The following RYK variants were observed in gnomAD, a reference collection of about 807,000 sequenced individuals.
RYK encodes receptor like tyrosine kinase.
In RYK, 21 loss-of-function variants were observed where a neutral mutation model predicts 70.2. The ratio of observed to expected loss-of-function variants is 0.30; its 90% confidence interval spans 0.21 to 0.43. The LOEUF is 0.43. RYK is among the 20% of genes least tolerant of loss of function. The pLI is 1.00. For synonymous variants in RYK, 267 were observed against 278.0 expected, an observed-to-expected ratio of 0.96 and a Z score of 0.39; for missense variants, 604 against 753.3, an observed-to-expected ratio of 0.80 and a Z score of 2.32.
rs563630958 is a variant in RYK, at chr3:134,240,895, GACAAT to G, written c.232+9523_232+9527del. On this transcript the variant is annotated intron_variant, in intron 1 of 14. Transcript: ENST00000623711. ...ACCTTGCTATTGCTCTTAATCTAAT[GACAAT>G]ATCTCATTCATTTTATGATTTCCCT... Among the ~76,000 whole-genome samples the G allele has an allele frequency of 1.4e-4, 21 of 152,288 alleles. No homozygotes were observed. In the South Asian group the frequency reaches 4.3e-3, roughly 32 times the overall value.
chr3:134,241,855 T>C (rs1286531034), intron 1 of RYK, among the ~76,000 whole-genome samples: 2 of 152,110 alleles, frequency 1.3e-5, no homozygotes, highest in Non-Finnish European at 2.9e-5. Context: ...CAAAAAACAG[T>C]CAATGCCACC....
At chr3:134,216,791 T>TAAAAAAA (rs1231129109) in intron 2 of RYK, among the ~76,000 whole-genome samples, 1 of 10,544 alleles carries the variant, frequency 9.5e-5, no homozygotes, top group Non-Finnish European at 1.5e-4. Context: ...AGACTCTGTC[T>TAAAAAAA]CAAAAAAAAA....
At chr3:134,250,332 A>G in intron 1 of RYK, 91 bp downstream of exon 1, 1 of 681,436 alleles carries the variant, frequency 1.5e-6, no homozygotes. Context: ...TACTCGCCCG[A>G]GGTCCACGGC....
chr3:134,247,189 C>CA (rs1443245115), intron 1 of RYK, among the ~76,000 whole-genome samples: 4 of 151,966 alleles, frequency 2.6e-5, no homozygotes, highest in East Asian at 1.9e-4. Flanking sequence ...GCTATTTTTA[C>CA]AAAAAAGTTA....
intron 13 of RYK, among the ~76,000 whole-genome samples, chr3:134,161,832 A>T (rs1275277090): frequency 6.6e-6 from 1 of 152,184 alleles, no homozygotes; most frequent in African/African-American, 2.4e-5. Context: ...AAGAAAATAT[A>T]AATCTGTATT....
chr3:134,218,835 C>T (rs993341061), intron 2 of RYK, among the ~76,000 whole-genome samples: 3 of 152,090 alleles, frequency 2.0e-5, no homozygotes, highest in Non-Finnish European at 2.9e-5. Context: ...AAGGCCCAAA[C>T]TAAGTGTGAG....
intron 13 of RYK, among the ~76,000 whole-genome samples, chr3:134,162,498 T>C (rs1003182727): frequency 6.6e-6 from 1 of 152,130 alleles, no homozygotes; most frequent in Non-Finnish European, 1.5e-5. Flanking sequence ...GAAGCGTGTA[T>C]AGTTTCAAAA....
chr3:134,206,502 T>G (rs2014216705), intron 5 of RYK, among the ~76,000 whole-genome samples: 1 of 152,196 alleles, frequency 6.6e-6, no homozygotes, highest in Admixed American at 6.5e-5. Context: ...ATTTGGATCT[T>G]GATTCAGGAG....
chr3:134,249,903 C>T (rs1230588150), intron 1 of RYK, among the ~76,000 whole-genome samples: 14 of 140,412 alleles, frequency 1.0e-4, no homozygotes, highest in African/African-American at 3.9e-4. Flanking sequence ...ATAACCTCCC[C>T]TTCTTTCTCT....
In RYK at chr3:134,183,053, T is replaced by C. The variant is rs868784465; in HGVS notation, c.1121A>G (p.Gln374Arg). The change falls in exon 10 of 15, where the codon CAG (glutamine) becomes CGG (arginine). Residue 374 changes from glutamine (Q) to arginine (R), a missense_variant. This residue lies in a region of RYK where 466 missense variants were observed against 535.9 expected (regional missense o/e 0.87). Transcript: ENST00000623711. ...KTVKDQASEI[Q>R]VTMMLTESCK... is the part of the protein sequence containing the mutation. ...ACTTTCAGTGAGCATCATTGTCACC[T>C]GAATTTCAGAAGCTTGATCTATATA... 6.3e-7 allele frequency: 1 copy of C among 1,586,190 alleles called. No homozygotes were observed. The highest frequency in any genetic ancestry group is 8.6e-7 in the Non-Finnish European group (1 of 1,164,404).
intron 1 of RYK, among the ~76,000 whole-genome samples, chr3:134,249,057 A>G (rs2015541564): frequency 6.6e-6 from 1 of 152,172 alleles, no homozygotes; most frequent in Non-Finnish European, 1.5e-5. Context: ...TTAACCAAAA[A>G]GCCTTTACAA....
intron 1 of RYK, among the ~76,000 whole-genome samples, chr3:134,223,462 AAG>A (rs796124099): frequency 3.3e-5 from 5 of 152,366 alleles, no homozygotes; most frequent in African/African-American, 1.2e-4. Flanking sequence ...CTGTTAAAAA[AAG>A]AGTTATCAAA....
chr3:134,161,878 C>T (rs2012483718), intron 13 of RYK, among the ~76,000 whole-genome samples: 3 of 151,128 alleles, frequency 2.0e-5, no homozygotes, highest in South Asian at 4.2e-4. Context: ...ATACCACAAA[C>T]GAGTAGTTTA....
intron 1 of RYK, among the ~76,000 whole-genome samples, chr3:134,232,560 G>A (rs1181757899): frequency 1.3e-5 from 2 of 152,086 alleles, no homozygotes; most frequent in African/African-American, 2.4e-5. Flanking sequence ...CATAGACTGA[G>A]GTGTTTAAAT....
rs2013777064 is a variant in RYK at position 134,195,247 on chromosome 3, T to C, written c.789-65A>G. 5 of 1,195,060 alleles carry C rather than the reference T, an allele frequency of 4.2e-6. No homozygotes were observed. In the South Asian group the frequency reaches 5.1e-5, roughly 12 times the overall value. 74.0% of individuals were successfully genotyped at this position (1,195,060 alleles called of 1,614,324 possible). A position where few individuals can be genotyped will look rare whatever the true frequency, so the allele number is the denominator to read the frequency against. The stretch of plus-strand genomic sequence containing the variant: ...TTCAATGAGAAATTTCCTTTTTCCA[T>C]ACATACAAAATGCACATAGCCATTA... On this transcript the variant is annotated intron_variant, in intron 6 of 14. Transcript: ENST00000623711.
At chr3:134,202,653 C>T in intron 6 of RYK, 77 bp downstream of exon 6, 2 of 1,286,706 alleles carry the variant, frequency 1.6e-6, no homozygotes, top group Non-Finnish European at 2.2e-6. Flanking sequence ...CACCACTGTG[C>T]ATCGATGTGT....
intron 2 of RYK, among the ~76,000 whole-genome samples, chr3:134,215,044 TA>T (rs2014511306): frequency 6.6e-6 from 1 of 152,206 alleles, no homozygotes; most frequent in South Asian, 2.1e-4. Context: ...CAATTCTATC[TA>T]ATTATCCTAC....
chr3:134,163,775 A>G (rs1576499948), intron 13 of RYK, among the ~76,000 whole-genome samples: 2 of 152,338 alleles, frequency 1.3e-5, no homozygotes, highest in East Asian at 3.9e-4. Flanking sequence ...TGGAAGCATC[A>G]TCAGGTGGTC....
chr3:134,184,117 T>C (rs1262010592), intron 9 of RYK, among the ~76,000 whole-genome samples: 2 of 152,152 alleles, frequency 1.3e-5, no homozygotes. Flanking sequence ...TCTTTTTACT[T>C]CTCTGTGGTT....
Sources: allele counts gnomAD v4.1 joint callset (sites outside exome capture counted in the v4.1 genomes callset), GRCh38; gene constraint gnomAD v4.1.1; regional missense constraint gnomAD v4.1.1; transcripts MANE v1.5; gene names NCBI Gene and HGNC (gene_info 2026-07-23, HGNC 2026-07-21).